The following CCDC85A variants were observed in gnomAD, a reference collection of about 807,000 sequenced individuals.
CCDC85A encodes coiled-coil domain-containing protein 85A.
A neutral mutation model predicts 50.2 loss-of-function variants in CCDC85A; 38 were observed. That is an observed-to-expected ratio of 0.76 (90% CI 0.58 to 0.99). The LOEUF (loss-of-function observed/expected upper bound fraction) is 0.99. Ranked by LOEUF, CCDC85A falls within the 50% of genes least tolerant of loss-of-function variation. The pLI is 0.00. For synonymous variants in CCDC85A, 366 were observed against 301.4 expected (o/e 1.21, Z -2.22); for missense variants, 820 against 742.0 (o/e 1.11, Z -1.22).
chr2:56,186,750 G>A (rs1173094760), intron 1 of CCDC85A, among the ~76,000 whole-genome samples: 2 of 152,184 alleles, frequency 1.3e-5, no homozygotes, highest in African/African-American at 4.8e-5. Flanking sequence ...GTGGGTAGGG[G>A]AGGGGAATGG....
chr2:56,340,572 G>A (rs373759202), intron 2 of CCDC85A, among the ~76,000 whole-genome samples: 2 of 152,172 alleles, frequency 1.3e-5, no homozygotes, highest in African/African-American at 2.4e-5. Flanking sequence ...AGTAGTGAAA[G>A]TTTATTAAAA....
intron 2 of CCDC85A, among the ~76,000 whole-genome samples, chr2:56,312,970 T>TA (rs1672762380): frequency 6.6e-6 from 1 of 152,192 alleles, no homozygotes; most frequent in Non-Finnish European, 1.5e-5. Context: ...TTTATGCTTT[T>TA]AAAAATGCTT....
At chr2:56,305,756 T>C (rs1245976233) in intron 2 of CCDC85A, among the ~76,000 whole-genome samples, 2 of 152,220 alleles carry the variant, frequency 1.3e-5, no homozygotes, top group Non-Finnish European at 2.9e-5. Flanking sequence ...TAAAATTCAA[T>C]ATTGATATTT....
At chr2:56,384,150 T>G (rs1000168628) in intron 5 of CCDC85A, 116 bp from the exon 6 acceptor site, 2 of 845,178 alleles carry the variant, frequency 2.4e-6, no homozygotes, top group South Asian at 3.2e-5. Context: ...CATGTGGATA[T>G]TTTGTCTCTT....
intron 2 of CCDC85A, among the ~76,000 whole-genome samples, chr2:56,279,991 A>T (rs1284421603): frequency 6.6e-6 from 1 of 152,198 alleles, no homozygotes. Flanking sequence ...CCTAATCCTT[A>T]AATCTAAAAC....
chr2:56,329,963 T>G (rs1402071008), intron 2 of CCDC85A, among the ~76,000 whole-genome samples: 4 of 134,080 alleles, frequency 3.0e-5, no homozygotes, highest in Non-Finnish European at 6.2e-5. Flanking sequence ...TTTTTTTTTT[T>G]TTTTTTTTTT....
Position 56,184,262 on chromosome 2 carries a change from A to G in CCDC85A, c.-363A>G. On this transcript the variant is annotated 5_prime_UTR_variant, in exon 1 of 6. Coordinates refer to ENST00000407595, the MANE Select transcript of CCDC85A (RefSeq NM_001080433.2). ...GTGCGGGGGGCGACAGTCTCGGCTT[A>G]GGGCGGAGGAGAGGGCAGGGGAACG... The G allele has an allele frequency of 1.1e-6, 1 of 896,764 alleles. No individual in the cohort carries two copies. Among genetic ancestry groups the G allele is most frequent in the Non-Finnish European group, 1.4e-6 (1 of 736,192 alleles). The allele number at this position is 896,764 out of a possible 1,614,324, so 55.6% of individuals were successfully genotyped here.
intron 2 of CCDC85A, among the ~76,000 whole-genome samples, chr2:56,221,267 A>T (rs1442377946): frequency 2.6e-5 from 4 of 152,056 alleles, no homozygotes; most frequent in Non-Finnish European, 4.4e-5. Context: ...CTCATCATGA[A>T]GTTTTATACC....
intron 2 of CCDC85A, among the ~76,000 whole-genome samples, chr2:56,280,326 G>A (rs1232560939): frequency 2.6e-5 from 4 of 152,092 alleles, no homozygotes; most frequent in Non-Finnish European, 5.9e-5. Flanking sequence ...CATTATAAGA[G>A]CAATTTAGAT....
chr2:56,281,142 A>G (rs1372243350), intron 2 of CCDC85A, among the ~76,000 whole-genome samples: 5 of 152,186 alleles, frequency 3.3e-5, no homozygotes, highest in Admixed American at 1.3e-4. Flanking sequence ...TTTATATCAC[A>G]TACATTAGTT....
intron 2 of CCDC85A, among the ~76,000 whole-genome samples, chr2:56,219,112 C>G (rs1395143869): frequency 6.7e-6 from 1 of 149,812 alleles, no homozygotes; most frequent in African/African-American, 2.5e-5. Flanking sequence ...TTTTTGTCTT[C>G]ACACTGACAT....
chr2:56,205,666 G>A (rs919273894), intron 2 of CCDC85A, among the ~76,000 whole-genome samples: 75 of 152,140 alleles, frequency 4.9e-4, no homozygotes, highest in Non-Finnish European at 2.6e-4. Context: ...AATTATGTTC[G>A]TATTTCATTT....
rs540755795 is a variant in CCDC85A, at chr2:56,320,064, G to A, written c.1241-22815G>A. On this transcript the variant is annotated intron_variant, in intron 2 of 5. Transcript: ENST00000407595. ...CTGGGTACATAACAAAATGAAGGCA[G>A]AAATAAAGATGTTATTTGAAACCAA... Among the ~76,000 whole-genome samples, 18 of 152,254 alleles carry A rather than the reference G, an allele frequency of 1.2e-4. No homozygotes were observed. The South Asian group carries it at 3.5e-3, about 30-fold the overall frequency.
At chr2:56,211,981 T>C (rs1011665495) in intron 2 of CCDC85A, among the ~76,000 whole-genome samples, 2 of 152,034 alleles carry the variant, frequency 1.3e-5, no homozygotes, top group Non-Finnish European at 2.9e-5. Flanking sequence ...ATAAAACTCA[T>C]TGTCTTTTTG....
At chr2:56,222,510 G>A (rs1041395569) in intron 2 of CCDC85A, among the ~76,000 whole-genome samples, 1 of 152,068 alleles carries the variant, frequency 6.6e-6, no homozygotes, top group African/African-American at 2.4e-5. Context: ...CCACTGGGCT[G>A]GAATTTTTCA....
chr2:56,360,623 A>T (rs1200296290), intron 3 of CCDC85A, among the ~76,000 whole-genome samples: 1 of 152,182 alleles, frequency 6.6e-6, no homozygotes, highest in African/African-American at 2.4e-5. Flanking sequence ...GGCTACCTTT[A>T]CCTGTGTAAT....
intron 3 of CCDC85A, among the ~76,000 whole-genome samples, chr2:56,355,578 A>T (rs192619218): frequency 2.0e-5 from 3 of 152,318 alleles, no homozygotes; most frequent in African/African-American, 7.2e-5. Flanking sequence ...CATATAGGTT[A>T]GTGATATAGA....
intron 3 of CCDC85A, among the ~76,000 whole-genome samples, chr2:56,345,382 T>G (rs555999693): frequency 6.6e-6 from 1 of 152,346 alleles, no homozygotes; most frequent in Admixed American, 6.5e-5. Context: ...TGTTTTAGTT[T>G]TAGTTATTTA....
chr2:56,346,547 C>G (rs1457991819), intron 3 of CCDC85A, among the ~76,000 whole-genome samples: 1 of 152,156 alleles, frequency 6.6e-6, no homozygotes, highest in Non-Finnish European at 1.5e-5. Context: ...CCTTGATCTG[C>G]CATGGTGTGT....
Sources: gnomAD v4.1 joint callset for allele counts (sites outside exome capture counted in the v4.1 genomes callset) on GRCh38, gnomAD v4.1.1 for gene constraint, MANE v1.5 for transcripts, NCBI Gene and HGNC (gene_info 2026-07-23, HGNC 2026-07-21) for gene names.